SLA: variants seen among roughly 807,000 people sequenced by gnomAD.
SLA encodes the protein Src like adaptor, also known as src-like-adapter.
Under a neutral mutation model 30.3 loss-of-function variants are expected in SLA, and 16 were observed. The ratio of observed to expected loss-of-function variants is 0.53; its 90% CI spans 0.36 to 0.80. The LOEUF (loss-of-function observed/expected upper bound fraction) is 0.80, where lower values mean the gene tolerates loss of function less well. Among genes scored for constraint, SLA ranks in the 30% least tolerant of loss-of-function variants. The pLI is 0.01. For synonymous variants in SLA, 143 were observed against 137.8 expected (o/e 1.04, Z -0.26); for missense variants, 310 against 345.2 (o/e 0.90, Z 0.81).
intron 1 of SLA, among the ~76,000 whole-genome samples, chr8:133,101,001 G>C (rs1043793854): frequency 6.6e-6 from 1 of 152,056 alleles, no homozygotes; most frequent in Non-Finnish European, 1.5e-5. Flanking sequence ...AGGTTTACCG[G>C]GTGTCTCTAG....
intron 1 of SLA, among the ~76,000 whole-genome samples, chr8:133,089,495 G>A (rs1429669450): frequency 5.9e-5 from 9 of 152,114 alleles, no homozygotes; most frequent in African/African-American, 1.9e-4. Context: ...CTCATTGCCC[G>A]TTGCCTAAAG....
intron 5 of SLA, among the ~76,000 whole-genome samples, chr8:133,048,316 G>T (rs1193268815): frequency 1.3e-5 from 2 of 152,088 alleles, no homozygotes; most frequent in Non-Finnish European, 2.9e-5. Flanking sequence ...CACCTTCCAG[G>T]TTCAAGTGAT....
At chr8:133,095,578 G>T (rs1204420656) in intron 1 of SLA, among the ~76,000 whole-genome samples, 1 of 152,252 alleles carries the variant, frequency 6.6e-6, no homozygotes, top group African/African-American at 2.4e-5. Flanking sequence ...ACAGCTAGAT[G>T]TGTTGAGTAT....
At chr8:133,043,393 A>T (rs947873847) in intron 7 of SLA, among the ~76,000 whole-genome samples, 1 of 152,162 alleles carries the variant, frequency 6.6e-6, no homozygotes, top group Admixed American at 6.5e-5. Context: ...ACCTTTTCTC[A>T]TAACCAATAT....
chr8:133,038,327 G>A lies in SLA; in HGVS notation c.*197C>T, dbSNP rs768250337. The A allele has an allele frequency of 5.0e-6, 3 of 602,512 alleles. No individual in the cohort carries two copies. Among genetic ancestry groups the A allele is most frequent in the Non-Finnish European group, 8.8e-6 (3 of 339,462 alleles). The allele number at this position is 602,512 out of a possible 1,614,324, so 37.3% of individuals were successfully genotyped here. ...CAATGTTTCGTGATGCCACAGCCCT[G>A]ATCAGACACCAGGGAGGGGTTCCTT... On this transcript the variant is annotated 3_prime_UTR_variant, in exon 9 of 9. Coordinates refer to ENST00000338087, the MANE Select transcript of SLA (RefSeq NM_001045556.3).
At chr8:133,097,052 C>CT (rs1848528296) in intron 1 of SLA, among the ~76,000 whole-genome samples, 1 of 152,198 alleles carries the variant, frequency 6.6e-6, no homozygotes, top group African/African-American at 2.4e-5. Context: ...TGGCCAAAGC[C>CT]TTGTAGGTGG....
chr8:133,093,792 A>C (rs1197350714), intron 1 of SLA, among the ~76,000 whole-genome samples: 1 of 152,216 alleles, frequency 6.6e-6, no homozygotes, highest in Non-Finnish European at 1.5e-5. Flanking sequence ...ACAGTGGCTC[A>C]GTGTTTGGCC....
At chr8:133,098,425 A>T (rs1419620573) in intron 1 of SLA, among the ~76,000 whole-genome samples, 3 of 152,168 alleles carry the variant, frequency 2.0e-5, no homozygotes, top group Non-Finnish European at 4.4e-5. Context: ...CGCCCTGGAG[A>T]CAGTACTCTG....
chr8:133,050,263 C>T (rs1399590013), intron 4 of SLA: 1 of 478,814 alleles, frequency 2.1e-6, no homozygotes, highest in Non-Finnish European at 3.8e-6. Context: ...ATGTTCCCAA[C>T]TGTTGGAGGC....
At chr8:133,051,781 G>A (rs187756377) in intron 3 of SLA, among the ~76,000 whole-genome samples, 1 of 152,192 alleles carries the variant, frequency 6.6e-6, no homozygotes, top group Admixed American at 6.5e-5. Flanking sequence ...TACATTTTTG[G>A]GGGAAATAAC....
Position 133,101,854 on chromosome 8 carries a change from C to T in SLA, c.-319+699G>A, listed in dbSNP as rs2979024. Among the ~76,000 whole-genome samples the T allele has an allele frequency of 7.0e-4, 103 of 147,074 alleles. 3 individuals carry two copies. In the South Asian group the frequency reaches 0.02, roughly 29 times the overall value. On this transcript the variant is annotated intron_variant, in intron 1 of 8. Coordinates refer to ENST00000338087, the MANE Select transcript of SLA (RefSeq NM_001045556.3). ...ATAGCAGCACTGTCAGCTGGAGTGA[C>T]ACAATGGCCAGGAACTGACCAGGAC...
intron 2 of SLA, 131 bp downstream of exon 2, chr8:133,074,722 C>G (rs753548183): frequency 4.1e-5 from 15 of 367,704 alleles, no homozygotes; most frequent in Admixed American, 1.9e-4. Flanking sequence ...CTGGGCTTCT[C>G]TCAAGACATT....
At chr8:133,067,273 C>T (rs578190049) in intron 2 of SLA, among the ~76,000 whole-genome samples, 12 of 152,176 alleles carry the variant, frequency 7.9e-5, no homozygotes, top group Admixed American at 2.0e-4. Context: ...CAGGTGCAGC[C>T]GCAGGCCTGT....
At chr8:133,062,002 A>G (rs1324132769) in intron 2 of SLA, among the ~76,000 whole-genome samples, 2 of 152,230 alleles carry the variant, frequency 1.3e-5, no homozygotes, top group Non-Finnish European at 2.9e-5. Context: ...GCTCAAGCTA[A>G]TGCATAGTAA....
chr8:133,086,159 C>T (rs1846528038), intron 1 of SLA, among the ~76,000 whole-genome samples: 1 of 152,168 alleles, frequency 6.6e-6, no homozygotes, highest in South Asian at 2.1e-4. Context: ...GGTAACTCTA[C>T]AGAGACAGAA....
At chr8:133,040,160 G>A in intron 7 of SLA, 30 bp from the exon 8 acceptor site, 1 of 1,567,598 alleles carries the variant, frequency 6.4e-7, no homozygotes, top group Non-Finnish European at 8.6e-7. Flanking sequence ...GCCGGTCAGG[G>A]ACCCTGGGGA....
chr8:133,048,018 A>G (rs1839784265), intron 5 of SLA, 85 bp from the exon 6 acceptor site: 1 of 725,664 alleles, frequency 1.4e-6, no homozygotes. Flanking sequence ...CGTACTAAGC[A>G]CCTGAAACCT....
intron 2 of SLA, among the ~76,000 whole-genome samples, chr8:133,071,568 G>T (rs865994511): frequency 6.6e-6 from 1 of 152,144 alleles, no homozygotes; most frequent in African/African-American, 2.4e-5. Flanking sequence ...ACACTCTGGT[G>T]CTTGGAACTT....
chr8:133,047,614 G>C (rs1226330764), intron 6 of SLA: 6 of 575,214 alleles, frequency 1.0e-5, no homozygotes, highest in Middle Eastern at 3.4e-4. Context: ...GGCCAGGCCC[G>C]TGGCAGTGCC....
Sources: gnomAD v4.1 joint callset for allele counts (sites outside exome capture counted in the v4.1 genomes callset) on GRCh38, gnomAD v4.1.1 for gene constraint, MANE v1.5 for transcripts, NCBI Gene and HGNC (gene_info 2026-07-23, HGNC 2026-07-21) for gene names.